DACH1: variants seen among roughly 807,000 people sequenced by gnomAD.
DACH1 encodes the protein dachshund family transcription factor 1.
Under a neutral mutation model 54.2 loss-of-function variants are expected in DACH1, and 12 were observed. That is an observed-to-expected ratio of 0.22 (90% CI 0.14 to 0.36). The LOEUF is 0.36. Among genes scored for constraint, DACH1 ranks in the 10% least tolerant of loss-of-function variants. The probability of loss-of-function intolerance (pLI) is 1.00; values close to 1 mark genes in which losing one functional copy is unlikely to be tolerated. For synonymous variants in DACH1, 386 were observed against 366.2 expected (o/e 1.05, Z -0.62); for missense variants, 805 against 929.8 (o/e 0.87, Z 1.75).
intron 3 of DACH1, among the ~76,000 whole-genome samples, chr13:71,620,669 T>C (rs1013045804): frequency 1.1e-4 from 17 of 152,132 alleles, no homozygotes; most frequent in African/African-American, 3.9e-4. Flanking sequence ...GTGTTCAGTG[T>C]GATGTTTTGA....
intron 2 of DACH1, among the ~76,000 whole-genome samples, chr13:71,666,297 A>G (rs1879828208): frequency 6.6e-6 from 1 of 152,150 alleles, no homozygotes; most frequent in Non-Finnish European, 1.5e-5. Context: ...ATATCTATAA[A>G]AGAGATGTGA....
At chr13:71,824,901 G>A (rs918476690) in intron 1 of DACH1, among the ~76,000 whole-genome samples, 1 of 151,896 alleles carries the variant, frequency 6.6e-6, no homozygotes, top group African/African-American at 2.4e-5. Context: ...ATAAACATGG[G>A]AATTTTAATA....
Position 71,440,679 on chromosome 13 carries a change from A to G in DACH1, c.2097T>C (p.Tyr699=), listed in dbSNP as rs1873935213. ...TTCAGTACATGACAGTAGTTTTCAA[A>G]TACAGTCTTCCATCTAGAAATGAAC... The part of the protein sequence containing the change: ...AERTIQDGRL[Y]LKTTVMY Residue 699 remains tyrosine (Y), a synonymous_variant, in exon 11 of 11, where the codon TAT becomes TAC. Coordinates refer to ENST00000613252, the MANE Select transcript of DACH1 (RefSeq NM_080759.6). The G allele has an allele frequency of 6.2e-7, 1 of 1,605,422 alleles. No homozygotes were observed. Among genetic ancestry groups the G allele is most frequent in the Non-Finnish European group, 8.5e-7 (1 of 1,175,564 alleles).
At chr13:71,846,231 A>T (rs908324814) in intron 1 of DACH1, 8 of 250,946 alleles carry the variant, frequency 3.2e-5, no homozygotes, top group Non-Finnish European at 8.3e-6. Flanking sequence ...AAACAGCGGC[A>T]TGGTTCATGC....
intron 1 of DACH1, among the ~76,000 whole-genome samples, chr13:71,836,689 G>GCCTT (rs1288127845): frequency 1.3e-5 from 2 of 151,894 alleles, no homozygotes; most frequent in Admixed American, 6.6e-5. Context: ...TCTTCATATC[G>GCCTT]CCTTCAAATA....
intron 6 of DACH1, among the ~76,000 whole-genome samples, chr13:71,553,564 A>G (rs1049354369): frequency 6.8e-6 from 1 of 146,012 alleles, no homozygotes; most frequent in African/African-American, 2.5e-5. Flanking sequence ...TATATATATA[A>G]CATTTTGTTT....
intron 3 of DACH1, among the ~76,000 whole-genome samples, chr13:71,601,215 G>A (rs562928992): frequency 1.7e-4 from 26 of 151,920 alleles, no homozygotes; most frequent in African/African-American, 6.0e-4. Context: ...CTCTTTCTCC[G>A]CCTGAAGCAA....
intron 6 of DACH1, among the ~76,000 whole-genome samples, chr13:71,549,959 A>G (rs1455437829): frequency 1.3e-5 from 2 of 152,164 alleles, no homozygotes; most frequent in African/African-American, 4.8e-5. Flanking sequence ...TAATACAATC[A>G]TTGACATATA....
chr13:71,541,581 T>C (rs927228291), intron 6 of DACH1, among the ~76,000 whole-genome samples: 1 of 152,122 alleles, frequency 6.6e-6, no homozygotes, highest in Non-Finnish European at 1.5e-5. Flanking sequence ...TATCTTATTC[T>C]ATAGGTTACA....
At chr13:71,756,130 G>A (rs535202643) in intron 1 of DACH1, among the ~76,000 whole-genome samples, 12 of 151,772 alleles carry the variant, frequency 7.9e-5, no homozygotes, top group Admixed American at 2.6e-4. Flanking sequence ...TCCCAGTTTC[G>A]AGCAATTCTC....
intron 4 of DACH1, among the ~76,000 whole-genome samples, chr13:71,563,167 G>C (rs1884695576): frequency 6.6e-6 from 1 of 151,930 alleles, no homozygotes; most frequent in African/African-American, 2.4e-5. Context: ...AAAATGCATT[G>C]ATATATTTTT....
At chr13:71,826,887 T>C (rs564332277) in intron 1 of DACH1, among the ~76,000 whole-genome samples, 5 of 152,134 alleles carry the variant, frequency 3.3e-5, no homozygotes, top group Admixed American at 6.6e-5. Context: ...CTTCATTTAC[T>C]ATTAGCTGGA....
At chr13:71,766,316 G>C (rs1413840465) in intron 1 of DACH1, among the ~76,000 whole-genome samples, 1 of 152,136 alleles carries the variant, frequency 6.6e-6, no homozygotes, top group East Asian at 1.9e-4. Context: ...ATCACTTGTG[G>C]AGATGTTTAA....
intron 2 of DACH1, among the ~76,000 whole-genome samples, chr13:71,634,407 G>A (rs1337868602): frequency 6.6e-6 from 1 of 152,070 alleles, no homozygotes; most frequent in Non-Finnish European, 1.5e-5. Context: ...GCTCCCCCTT[G>A]CTCTCTGTGC....
At chr13:71,557,739 C>T (rs930472554) in intron 5 of DACH1, among the ~76,000 whole-genome samples, 1 of 150,994 alleles carries the variant, frequency 6.6e-6, no homozygotes, top group Admixed American at 6.6e-5. Context: ...CACACTATCA[C>T]AGCTGTGTGA....
Position 71,504,954 on chromosome 13 carries a change from A to T in DACH1, c.1571-15806T>A, listed in dbSNP as rs573295042. Among the ~76,000 whole-genome samples the T allele has an allele frequency of 9.2e-5, 14 of 152,312 alleles. 1 individual carries two copies. Among genetic ancestry groups the T allele is most frequent in the African/African-American group, 3.4e-4 (14 of 41,570 alleles). Reference sequence around the variant, plus strand: ...TGTAGGATGAATCAATACATTATTTAAAAATATTTCACAATGAAATCAATT... The same window carrying T: ...TGTAGGATGAATCAATACATTATTTTAAAATATTTCACAATGAAATCAATT... On this transcript the variant is annotated intron_variant, in intron 6 of 10. Transcript: ENST00000613252.
chr13:71,478,129 G>A (rs1428942490), intron 8 of DACH1, among the ~76,000 whole-genome samples: 2 of 152,146 alleles, frequency 1.3e-5, no homozygotes, highest in East Asian at 3.9e-4. Context: ...ATGGAAGCTG[G>A]TTCCATAGAT....
Position 71,620,870 on chromosome 13 carries a change from ATTAT to A in DACH1, c.1126+9682_1126+9685del, listed in dbSNP as rs558769114. Among the ~76,000 whole-genome samples the A allele has an allele frequency of 1.8e-3, 265 of 150,532 alleles. 1 individual carries two copies. Among genetic ancestry groups the A allele is most frequent in the African/African-American group, 6.4e-3 (255 of 40,002 alleles). ...GATGTAGAAGTAAAATCATAGATGAATTATTTATTTTTTTTAAAGTTTTACTTAG... is the reference window on the plus strand; with the variant it reads ...GATGTAGAAGTAAAATCATAGATGAATTATTTTTTTTAAAGTTTTACTTAG... On this transcript the variant is annotated intron_variant, in intron 3 of 10. Transcript: ENST00000613252.
chr13:71,735,187 A>G (rs1227166564), intron 1 of DACH1, among the ~76,000 whole-genome samples: 2 of 150,788 alleles, frequency 1.3e-5, no homozygotes, highest in African/African-American at 4.9e-5. Flanking sequence ...TATGGGATAT[A>G]CGTATGTATA....
Sources: gnomAD v4.1 joint callset for allele counts (sites outside exome capture counted in the v4.1 genomes callset) on GRCh38, gnomAD v4.1.1 for gene constraint, MANE v1.5 for transcripts, NCBI Gene and HGNC (gene_info 2026-07-23, HGNC 2026-07-21) for gene names.